The following PCDHA5 variants were observed in gnomAD, a reference collection of about 807,000 sequenced individuals.
The protein encoded by PCDHA5 is protocadherin alpha-5.
A neutral mutation model predicts 61.6 loss-of-function variants in PCDHA5; 43 were observed. That is an observed-to-expected ratio of 0.70 (90% CI 0.55 to 0.90). The LOEUF (loss-of-function observed/expected upper bound fraction) is 0.90, where lower values mean the gene tolerates loss of function less well. Among genes scored for constraint, PCDHA5 ranks in the 40% least tolerant of loss-of-function variants. PCDHA5 has a pLI of 0.00. For missense variants in PCDHA5, 1,298 were observed against 1,222.7 expected, an observed-to-expected ratio of 1.06 and a Z score of -0.92; for synonymous variants, 627 against 543.9, an observed-to-expected ratio of 1.15 and a Z score of -2.13.
intron 1 of PCDHA5, among the ~76,000 whole-genome samples, chr5:140,977,031 G>A (rs1554238180): frequency 6.6e-6 from 1 of 152,192 alleles, no homozygotes; most frequent in Admixed American, 6.5e-5. Context: ...ATGAATCTAA[G>A]AAGGATGTTG....
chr5:140,870,089 T>C (rs782364525), intron 1 of PCDHA5: 4 of 1,613,796 alleles, frequency 2.5e-6, no homozygotes, highest in Non-Finnish European at 3.4e-6. Flanking sequence ...ACTCCCCCAA[T>C]GGCAGGTCAC....
intron 1 of PCDHA5, among the ~76,000 whole-genome samples, chr5:140,892,861 G>A (rs1422724084): frequency 2.6e-5 from 4 of 152,100 alleles, no homozygotes; most frequent in African/African-American, 9.7e-5. Flanking sequence ...TTCCTCCTGT[G>A]TAGCTATAAT....
intron 3 of PCDHA5, among the ~76,000 whole-genome samples, chr5:141,002,090 A>AGG (rs782223041): frequency 1.3e-5 from 2 of 152,254 alleles, no homozygotes; most frequent in Non-Finnish European, 2.9e-5. Flanking sequence ...CGAGCAGTCC[A>AGG]GGGGCTGGGC....
At chr5:140,845,850 G>C (rs2150381822) in intron 1 of PCDHA5, among the ~76,000 whole-genome samples, 1 of 149,860 alleles carries the variant, frequency 6.7e-6, no homozygotes, top group East Asian at 1.9e-4. Flanking sequence ...GAGAAAAGAA[G>C]TTAGTGATTG....
At chr5:140,884,373 T>C (rs1554181483) in intron 1 of PCDHA5, 2 of 1,613,958 alleles carry the variant, frequency 1.2e-6, no homozygotes, top group South Asian at 2.2e-5. Context: ...TACTTGATCA[T>C]TGCCATCTGC....
At chr5:140,967,535 T>C in intron 1 of PCDHA5, 3 of 1,613,746 alleles carry the variant, frequency 1.9e-6, no homozygotes, top group Non-Finnish European at 2.5e-6. Context: ...CTCTCCTGCC[T>C]TTGACCAGTC....
chr5:140,909,992 T>A (rs2074821631), intron 1 of PCDHA5, among the ~76,000 whole-genome samples: 1 of 152,192 alleles, frequency 6.6e-6, no homozygotes, highest in Non-Finnish European at 1.5e-5. Context: ...ACTAACAGCA[T>A]AAATTGTTGT....
chr5:140,967,215 G>T (rs782646028), intron 1 of PCDHA5: 1 of 1,613,682 alleles, frequency 6.2e-7, no homozygotes, highest in Non-Finnish European at 8.5e-7. Context: ...CGTTTCCCGC[G>T]GCCCAACTAC....
At chr5:140,993,337 G>A (rs2097550534) in intron 3 of PCDHA5, among the ~76,000 whole-genome samples, 1 of 151,924 alleles carries the variant, frequency 6.6e-6, no homozygotes, top group African/African-American at 2.4e-5. Context: ...GTGATTTGAA[G>A]GGCACTACGA....
chr5:140,829,915 G>C (rs782789312), intron 1 of PCDHA5: 5 of 1,613,890 alleles, frequency 3.1e-6, no homozygotes, highest in Admixed American at 1.7e-5. Context: ...CGTGGCTTTC[G>C]TATGAGCTGC....
chr5:140,943,800 A>G (rs1470801059), intron 1 of PCDHA5, among the ~76,000 whole-genome samples: 1 of 152,218 alleles, frequency 6.6e-6, no homozygotes, highest in East Asian at 1.9e-4. Flanking sequence ...GCAAAGCAAA[A>G]GAGGAAAGTT....
In PCDHA5 at chr5:140,982,506, C is replaced by T. The variant is rs139355257; in HGVS notation, c.2443C>T (p.Arg815Trp). The change falls in exon 3 of 4, where the codon CGG (arginine) becomes TGG (tryptophan). Residue 815 changes from arginine to tryptophan, a missense_variant. Arg to Trp is a moderately radical substitution (Grantham distance 101). Coordinates refer to ENST00000529859, the MANE Select transcript of PCDHA5 (RefSeq NM_018908.3). ...GCACCTAGAGGAGGCTGGCATTCTACGGGCTGGTCCAGGAGGGCCTGATCA... is the reference window on the plus strand; with the variant it reads ...GCACCTAGAGGAGGCTGGCATTCTATGGGCTGGTCCAGGAGGGCCTGATCA... The part of the protein sequence containing the change: ...SVHLEEAGIL[R>W]AGPGGPDQQW... The T allele has an allele frequency of 3.5e-5, 57 of 1,614,162 alleles. No individual in the cohort carries two copies. Among genetic ancestry groups the T allele is most frequent in the Middle Eastern group, 3.3e-4 (2 of 6,058 alleles).
intron 1 of PCDHA5, among the ~76,000 whole-genome samples, chr5:140,972,283 A>C (rs2096528536): frequency 2.7e-5 from 4 of 149,876 alleles, no homozygotes; most frequent in Admixed American, 2.7e-4. Flanking sequence ...TGGACCATAG[A>C]TGTGCGCCAC....
At chr5:141,005,114 G>A (rs2098198000) in intron 3 of PCDHA5, among the ~76,000 whole-genome samples, 2 of 152,042 alleles carry the variant, frequency 1.3e-5, no homozygotes, top group African/African-American at 2.4e-5. Flanking sequence ...TTGTCTTTAG[G>A]GACCCCAAAA....
In PCDHA5 at chr5:140,823,864, G is replaced by C. The variant is rs1317473064; in HGVS notation, c.2089G>C (p.Val697Leu). 4 of 1,613,766 alleles carry C rather than the reference G, an allele frequency of 2.5e-6. No homozygotes were observed. The highest frequency in any genetic ancestry group is 4.5e-5 in the East Asian group (2 of 44,878). ...CGAGGCTGCCCTGGTGGATGTCAAC[G>C]TGTACCTGATCATCGCCATCTGTGC... ...GPEAALVDVNVYLIIAICAVS... is the reference protein window; with the variant it reads ...GPEAALVDVNLYLIIAICAVS... The change falls in exon 1 of 4, where the codon GTG (valine) becomes CTG (leucine). Residue 697 changes from valine (V) to leucine (L), a missense_variant. By Grantham distance (32) the Val-to-Leu change is conservative (BLOSUM62 1). Coordinates refer to ENST00000529859, the MANE Select transcript of PCDHA5 (RefSeq NM_018908.3).
intron 1 of PCDHA5, chr5:140,869,260 G>A (rs976245495): frequency 6.2e-7 from 1 of 1,613,638 alleles, no homozygotes; most frequent in Non-Finnish European, 8.5e-7. Context: ...GCAGGACCTG[G>A]GGCTGGAGCT....
chr5:140,857,126 G>A, intron 1 of PCDHA5: 2 of 1,598,256 alleles, frequency 1.3e-6, no homozygotes, highest in Non-Finnish European at 1.7e-6. Flanking sequence ...CCCAGTGAAA[G>A]AAGATGCTCA....
chr5:140,841,586 C>T (rs1327577851), intron 1 of PCDHA5: 1 of 1,614,026 alleles, frequency 6.2e-7, no homozygotes, highest in Non-Finnish European at 8.5e-7. Flanking sequence ...TGTGAATTCT[C>T]GGATCGACCG....
In PCDHA5 at chr5:140,848,922, G is replaced by A. The variant is rs2150424904; in HGVS notation, c.2352+24795G>A. Reference sequence around the variant, plus strand: ...AGCGACACAAAAGAATCTGTTCATCGCGGAATCCAGGCCGCTTGACTCTCG... The same window carrying A: ...AGCGACACAAAAGAATCTGTTCATCACGGAATCCAGGCCGCTTGACTCTCG... On this transcript the variant is annotated intron_variant, in intron 1 of 3. Transcript: ENST00000529859. The A allele has an allele frequency of 1.1e-5, 18 of 1,607,650 alleles. 1 individual carries two copies. The highest frequency in any genetic ancestry group is 2.7e-5 in the African/African-American group (2 of 73,700).
Sources: allele counts gnomAD v4.1 joint callset (sites outside exome capture counted in the v4.1 genomes callset), GRCh38; gene constraint gnomAD v4.1.1; transcripts MANE v1.5; gene names NCBI Gene and HGNC (gene_info 2026-07-23, HGNC 2026-07-21).